DCLK1: variants seen among roughly 807,000 people sequenced by gnomAD.
DCLK1 encodes the protein serine/threonine-protein kinase DCLK1.
Under a neutral mutation model 86.2 loss-of-function variants are expected in DCLK1, and 16 were observed. The observed-to-expected ratio is 0.19, with a 90% CI of 0.13 to 0.28. The LOEUF is 0.28. Among genes scored for constraint, DCLK1 ranks in the 10% least tolerant of loss-of-function variants. The pLI, the probability that DCLK1 is intolerant of heterozygous loss-of-function variation, is 1.00. For synonymous variants in DCLK1, 369 were observed against 370.5 expected (o/e 1.00, Z 0.05); for missense variants, 590 against 940.2 (o/e 0.63, Z 4.87).
At chr13:35,846,650 A>G (rs2153109129) in intron 6 of DCLK1, 2 of 985,396 alleles carry the variant, frequency 2.0e-6, no homozygotes, top group East Asian at 2.3e-4. Context: ...CAATTGGTAT[A>G]TTGAATTCAG....
rs556949812 is a variant in DCLK1, at chr13:35,975,532, G to A, written c.724-28075C>T. The stretch of plus-strand genomic sequence containing the variant: ...CACCAGCTCCAAGGTGAGATCAAGG[G>A]GCTGGAGGCCACCCCACCCCCACCC... On this transcript the variant is annotated intron_variant, in intron 3 of 16. Transcript: ENST00000360631. 6.6e-4 allele frequency among the ~76,000 whole-genome samples: 100 copies of A among 152,178 alleles called. 2 individuals carry two copies. In the South Asian group the frequency reaches 0.02, roughly 30 times the overall value.
At chr13:35,947,547 C>G in intron 3 of DCLK1, 90 bp from the exon 4 acceptor site, 1 of 1,018,120 alleles carries the variant, frequency 9.8e-7, no homozygotes, top group Admixed American at 2.1e-5. Context: ...CATAAAGCCC[C>G]TTCCCACCTA....
intron 4 of DCLK1, among the ~76,000 whole-genome samples, chr13:35,934,240 A>T (rs1251692452): frequency 6.6e-6 from 1 of 152,162 alleles, no homozygotes; most frequent in East Asian, 1.9e-4. Flanking sequence ...TGAGCTCTCC[A>T]AACTGTTCCA....
rs147048306 is a variant in DCLK1 at position 36,122,939 on chromosome 13, A to G, written c.376+2823T>C. On this transcript the variant is annotated intron_variant, in intron 2 of 16. Coordinates refer to ENST00000360631, the MANE Select transcript of DCLK1 (RefSeq NM_001330071.2). ...AAACCACACTTAGGCATAATAATCC[A>G]TAGATAAAAACAAAACAGTGACAGT... 5.3e-5 allele frequency among the ~76,000 whole-genome samples: 8 copies of G among 152,338 alleles called. No individual in the cohort carries two copies. In the East Asian group the frequency reaches 1.5e-3, roughly 29 times the overall value.
chr13:36,100,076 C>T (rs1885149675), intron 3 of DCLK1, among the ~76,000 whole-genome samples: 1 of 148,870 alleles, frequency 6.7e-6, no homozygotes, highest in African/African-American at 2.5e-5. Flanking sequence ...GGCATGGTGG[C>T]TCACACCTGT....
chr13:35,840,079 C>T (rs1056202321), intron 6 of DCLK1, among the ~76,000 whole-genome samples: 2 of 152,008 alleles, frequency 1.3e-5, no homozygotes, highest in East Asian at 1.9e-4. Context: ...GGTGAGGGGG[C>T]GGGCGGCATT....
intron 3 of DCLK1, among the ~76,000 whole-genome samples, chr13:36,048,014 T>C (rs1167522463): frequency 1.3e-5 from 2 of 152,196 alleles, no homozygotes; most frequent in Non-Finnish European, 2.9e-5. Context: ...GAGTAAACTT[T>C]AAGTGTTCTC....
intron 4 of DCLK1, among the ~76,000 whole-genome samples, chr13:35,943,093 C>A (rs1877175460): frequency 6.6e-6 from 1 of 152,154 alleles, no homozygotes; most frequent in Admixed American, 6.5e-5. Context: ...TTGTAGATGT[C>A]ACCAAACTAA....
chr13:35,897,845 G>A (rs970970713), intron 4 of DCLK1, among the ~76,000 whole-genome samples: 1 of 152,110 alleles, frequency 6.6e-6, no homozygotes, highest in African/African-American at 2.4e-5. Context: ...TGATAAAACT[G>A]TACTTGATAG....
At chr13:36,071,452 TACAGATA>T (rs1883972895) in intron 3 of DCLK1, among the ~76,000 whole-genome samples, 4 of 152,168 alleles carry the variant, frequency 2.6e-5, no homozygotes, top group Admixed American at 2.6e-4. Context: ...AAGTAATATG[TACAGATA>T]GTGAGAGATG....
intron 3 of DCLK1, among the ~76,000 whole-genome samples, chr13:36,081,583 C>T (rs542216343): frequency 6.6e-6 from 1 of 152,208 alleles, no homozygotes; most frequent in Admixed American, 6.5e-5. Flanking sequence ...CAAGAAATGG[C>T]ATTCTTGGAA....
rs781286609 is a variant in DCLK1, at chr13:35,985,157, A to G, written c.724-37700T>C. 4.6e-5 allele frequency among the ~76,000 whole-genome samples: 7 copies of G among 152,176 alleles called. No individual in the cohort carries two copies. The South Asian group carries it at 1.4e-3, about 32-fold the overall frequency. ...TGGAAATCTTTCTGATTATGGATGC[A>G]TTTAGACCTGCTACCAGCTCACTTC... On this transcript the variant is annotated intron_variant, in intron 3 of 16. Coordinates refer to ENST00000360631, the MANE Select transcript of DCLK1 (RefSeq NM_001330071.2).
At chr13:35,934,857 C>A (rs1366471473) in intron 4 of DCLK1, among the ~76,000 whole-genome samples, 2 of 151,988 alleles carry the variant, frequency 1.3e-5, no homozygotes, top group African/African-American at 2.4e-5. Context: ...CAGAGGTTTC[C>A]TGATAATTAA....
At chr13:35,962,141 G>A (rs1190683069) in intron 3 of DCLK1, among the ~76,000 whole-genome samples, 1 of 152,178 alleles carries the variant, frequency 6.6e-6, no homozygotes, top group Admixed American at 6.5e-5. Context: ...TCTCAGTGAA[G>A]GGTGTTGCTG....
chr13:35,853,104 GC>G (rs1327604540), intron 6 of DCLK1, among the ~76,000 whole-genome samples: 2 of 152,144 alleles, frequency 1.3e-5, no homozygotes, highest in African/African-American at 4.8e-5. Flanking sequence ...TCAAGGACAG[GC>G]CTTTAGGAGA....
intron 4 of DCLK1, among the ~76,000 whole-genome samples, chr13:35,944,501 G>A (rs1274111799): frequency 6.6e-6 from 1 of 152,188 alleles, no homozygotes; most frequent in Non-Finnish European, 1.5e-5. Flanking sequence ...AGATTCAAAT[G>A]TTAATACATT....
intron 3 of DCLK1, among the ~76,000 whole-genome samples, chr13:35,996,924 T>A (rs1880503650): frequency 6.6e-6 from 1 of 152,242 alleles, no homozygotes; most frequent in Admixed American, 6.5e-5. Context: ...TCAGAGCTTC[T>A]ATTTTTAACA....
intron 3 of DCLK1, among the ~76,000 whole-genome samples, chr13:36,023,901 C>CTTTTTTTTTT (rs59071937): frequency 7.0e-5 from 9 of 128,466 alleles, no homozygotes; most frequent in East Asian, 2.3e-4. Flanking sequence ...TTCTTTCTTT[C>CTTTTTTTTTT]TTTTTTTTTT....
At chr13:35,808,102 A>C (rs1349510516) in intron 14 of DCLK1, 122 bp downstream of exon 14, 1 of 967,010 alleles carries the variant, frequency 1.0e-6, no homozygotes, top group Non-Finnish European at 1.6e-6. Flanking sequence ...AGCAATTACA[A>C]CTAAAATGTG....
Sources: gnomAD v4.1 joint callset for allele counts (sites outside exome capture counted in the v4.1 genomes callset) on GRCh38, gnomAD v4.1.1 for gene constraint, MANE v1.5 for transcripts, NCBI Gene and HGNC (gene_info 2026-07-23, HGNC 2026-07-21) for gene names.